CDK14: variants seen among roughly 807,000 people sequenced by gnomAD.
CDK14 encodes cyclin dependent kinase 14, also known as cyclin-dependent kinase 14.
CDK14 carries 34 observed loss-of-function variants against 60.7 expected under a neutral mutation model. That is an observed-to-expected ratio of 0.56 (90% CI 0.43 to 0.75). The LOEUF (loss-of-function observed/expected upper bound fraction) is 0.75. Among genes scored for constraint, CDK14 ranks in the 30% least tolerant of loss-of-function variants. CDK14 has a pLI of 0.00. For synonymous variants in CDK14, 197 were observed against 203.7 expected, an observed-to-expected ratio of 0.97 and a Z score of 0.28; for missense variants, 482 against 564.1, an observed-to-expected ratio of 0.85 and a Z score of 1.47.
chr7:91,071,453 C>T (rs1285632388), intron 11 of CDK14, among the ~76,000 whole-genome samples: 1 of 152,182 alleles, frequency 6.6e-6, no homozygotes, highest in Non-Finnish European at 1.5e-5. Flanking sequence ...CCCTCACCCC[C>T]CCAGCCAAGG....
intron 14 of CDK14, among the ~76,000 whole-genome samples, chr7:91,157,540 T>C (rs1411536119): frequency 1.3e-5 from 2 of 152,234 alleles, no homozygotes; most frequent in African/African-American, 4.8e-5. Context: ...TGGGTCATTG[T>C]AGCATGGCCA....
At chr7:91,107,120 G>A (rs1470196856) in intron 12 of CDK14, among the ~76,000 whole-genome samples, 1 of 152,170 alleles carries the variant, frequency 6.6e-6, no homozygotes, top group Non-Finnish European at 1.5e-5. Context: ...TTGCTTTTCA[G>A]GAGGTTCATT....
At chr7:91,132,756 G>C (rs570693724) in intron 14 of CDK14, among the ~76,000 whole-genome samples, 11 of 152,026 alleles carry the variant, frequency 7.2e-5, no homozygotes, top group Non-Finnish European at 7.4e-5. Context: ...TTAAATTTCA[G>C]GATGATAAAG....
At chr7:90,711,882 A>ACTT (rs1408956904) in intron 2 of CDK14, among the ~76,000 whole-genome samples, 4 of 110,816 alleles carry the variant, frequency 3.6e-5, no homozygotes, top group Non-Finnish European at 3.6e-5. Flanking sequence ...ATAGTCTACT[A>ACTT]TGTTTTTTTT....
rs1584033788 is a variant in CDK14 at position 90,840,935 on chromosome 7, G to A, written c.545-22240G>A. 2.6e-5 allele frequency among the ~76,000 whole-genome samples: 4 copies of A among 152,184 alleles called. No homozygotes were observed. The South Asian group carries it at 6.2e-4, about 24-fold the overall frequency. ...CATTGTGTCTGTTTAAAGTGCAAGT[G>A]AATGAAGGAAAAATACAAGAGAGTA... On this transcript the variant is annotated intron_variant, in intron 5 of 14. Coordinates refer to ENST00000380050, the MANE Select transcript of CDK14 (RefSeq NM_001287135.2).
chr7:90,712,333 T>G (rs537418555), intron 2 of CDK14, among the ~76,000 whole-genome samples: 2 of 151,964 alleles, frequency 1.3e-5, no homozygotes, highest in Admixed American at 1.3e-4. Context: ...GGTAATCTTA[T>G]TCTACTTTCT....
At chr7:90,897,142 T>C (rs1792362588) in intron 6 of CDK14, among the ~76,000 whole-genome samples, 1 of 152,164 alleles carries the variant, frequency 6.6e-6, no homozygotes, top group South Asian at 2.1e-4. Flanking sequence ...GGTGTGCAAA[T>C]GTTGAATACA....
At chr7:91,019,051 C>T (rs1322561359) in intron 10 of CDK14, among the ~76,000 whole-genome samples, 1 of 152,118 alleles carries the variant, frequency 6.6e-6, no homozygotes, top group Non-Finnish European at 1.5e-5. Flanking sequence ...ACATTCAGAC[C>T]ACAGGAAGTG....
At chr7:90,681,210 GT>G (rs1243279711) in intron 2 of CDK14, among the ~76,000 whole-genome samples, 1 of 152,162 alleles carries the variant, frequency 6.6e-6, no homozygotes, top group African/African-American at 2.4e-5. Flanking sequence ...GGCACCAGAT[GT>G]TTTTGCTTTC....
intron 2 of CDK14, among the ~76,000 whole-genome samples, chr7:90,609,394 G>A (rs536609437): frequency 7.2e-5 from 11 of 152,134 alleles, no homozygotes; most frequent in African/African-American, 1.9e-4. Flanking sequence ...GCCAAATCTC[G>A]TGTTGGAAGG....
intron 9 of CDK14, among the ~76,000 whole-genome samples, chr7:90,973,557 G>A (rs927778352): frequency 3.3e-5 from 5 of 152,062 alleles, no homozygotes; most frequent in African/African-American, 1.2e-4. Context: ...TTATCGGGGG[G>A]ACCAGCCCAC....
intron 4 of CDK14, among the ~76,000 whole-genome samples, chr7:90,782,257 A>G (rs1464964161): frequency 6.6e-6 from 1 of 152,140 alleles, no homozygotes; most frequent in African/African-American, 2.4e-5. Context: ...TGATTTTTGC[A>G]CATTGATTTT....
At chr7:90,634,702 C>A (rs982224901) in intron 2 of CDK14, among the ~76,000 whole-genome samples, 1 of 151,654 alleles carries the variant, frequency 6.6e-6, no homozygotes, top group African/African-American at 2.4e-5. Context: ...CCTGAGGAAT[C>A]GCCACACTGA....
intron 14 of CDK14, among the ~76,000 whole-genome samples, chr7:91,134,998 A>G (rs902769666): frequency 7.9e-5 from 12 of 152,194 alleles, no homozygotes; most frequent in African/African-American, 1.7e-4. Flanking sequence ...GTATGTATTT[A>G]CATATTTGTA....
At chr7:90,710,203 T>G in intron 2 of CDK14, 5 of 985,318 alleles carry the variant, frequency 5.1e-6, no homozygotes, top group Non-Finnish European at 6.0e-6. Context: ...TGCTTGTAGT[T>G]TGTAAACACC....
intron 10 of CDK14, among the ~76,000 whole-genome samples, chr7:91,026,307 C>T (rs745442124): frequency 7.9e-5 from 12 of 152,162 alleles, no homozygotes; most frequent in Non-Finnish European, 1.3e-4. Flanking sequence ...GTAAGGAGGC[C>T]ATGCCGTGTC....
intron 8 of CDK14, among the ~76,000 whole-genome samples, chr7:90,924,147 C>T (rs560864645): frequency 1.3e-5 from 2 of 152,290 alleles, no homozygotes. Context: ...TTGAGGGGCT[C>T]CTTTTGTGAG....
intron 10 of CDK14, among the ~76,000 whole-genome samples, chr7:91,004,212 A>C (rs1481356417): frequency 2.0e-5 from 3 of 152,236 alleles, no homozygotes; most frequent in African/African-American, 7.2e-5. Context: ...AACTGCGATG[A>C]AATCAATAGC....
intron 2 of CDK14, among the ~76,000 whole-genome samples, chr7:90,700,610 T>C (rs1220557095): frequency 6.6e-6 from 1 of 152,184 alleles, no homozygotes; most frequent in African/African-American, 2.4e-5. Flanking sequence ...TACATCCATA[T>C]ATAGATAATA....
Sources: allele counts gnomAD v4.1 joint callset (sites outside exome capture counted in the v4.1 genomes callset), GRCh38; gene constraint gnomAD v4.1.1; transcripts MANE v1.5; gene names NCBI Gene and HGNC (gene_info 2026-07-23, HGNC 2026-07-21).